DST: variants seen among roughly 807,000 people sequenced by gnomAD.
DST encodes the protein bullous pemphigoid antigen.
In DST, 253 loss-of-function variants were observed where a neutral mutation model predicts 875.2. The ratio of observed to expected loss-of-function variants is 0.29; its 90% CI spans 0.26 to 0.32. DST has a LOEUF of 0.32. Among genes scored for constraint, DST ranks in the 10% least tolerant of loss-of-function variants. The pLI, the probability that DST is intolerant of heterozygous loss-of-function variation, is 1.00. For missense variants in DST, 8,287 were observed against 9,111.6 expected (o/e 0.91, Z 3.68); for synonymous variants, 3,124 against 3,197.1 (o/e 0.98, Z 0.77).
chr6:56,514,145 T>C (rs1367606388), intron 72 of DST, among the ~76,000 whole-genome samples: 2 of 152,216 alleles, frequency 1.3e-5, no homozygotes, highest in African/African-American at 4.8e-5. Flanking sequence ...AAATTTCAGC[T>C]CAATAATGAG....
intron 68 of DST, 47 bp downstream of exon 68, chr6:56,527,446 G>C: frequency 6.3e-7 from 1 of 1,589,202 alleles, no homozygotes; most frequent in Non-Finnish European, 8.6e-7. Context: ...GAATAAGACT[G>C]CCTAAAAGAT....
chr6:56,495,263 T>G (rs771479282), intron 82 of DST, among the ~76,000 whole-genome samples: 1 of 152,088 alleles, frequency 6.6e-6, no homozygotes, highest in African/African-American at 2.4e-5. Flanking sequence ...TCAAAAGAAC[T>G]TTATTGAAAT....
At chr6:56,803,484 C>A (rs1483995177) in intron 4 of DST, among the ~76,000 whole-genome samples, 1 of 152,142 alleles carries the variant, frequency 6.6e-6, no homozygotes, top group Non-Finnish European at 1.5e-5. Context: ...CATGTGAGTA[C>A]AAGCATCTTC....
intron 10 of DST, 39 bp from the exon 11 acceptor site, chr6:56,651,283 G>A (rs2098974337): frequency 3.9e-6 from 5 of 1,279,102 alleles, no homozygotes; most frequent in Non-Finnish European, 5.5e-6. Context: ...GTTTTCTCAT[G>A]TGCCAATTCA....
chr6:56,845,858 GATT>G (rs2099806682), intron 4 of DST, among the ~76,000 whole-genome samples: 1 of 152,222 alleles, frequency 6.6e-6, no homozygotes, highest in Admixed American at 6.5e-5. Flanking sequence ...CAACATTTGG[GATT>G]GTTTTTAAAA....
chr6:56,927,696 T>A (rs747541341), intron 2 of DST, among the ~76,000 whole-genome samples: 2 of 151,858 alleles, frequency 1.3e-5, no homozygotes, highest in Non-Finnish European at 2.9e-5. Context: ...TAGAAAAAAA[T>A]GAGCAACTGA....
At chr6:56,642,755 C>G (rs1485511700) in intron 15 of DST, 1 of 1,613,984 alleles carries the variant, frequency 6.2e-7, no homozygotes, top group East Asian at 2.2e-5. Context: ...AACACAGAAT[C>G]ACTGCTACGG....
At position 56,642,028 on chromosome 6, in the gene DST, T is replaced by C; in HGVS notation, c.1946A>G (p.Glu649Gly). Residue 649 changes from glutamate (E) to glycine (G), a missense_variant, in exon 17 of 104, where the codon GAG (glutamate) becomes GGG (glycine). Coordinates refer to ENST00000680361, the MANE Select transcript of DST (RefSeq NM_001374736.1). ...AATTACATGCTGGCGTAAAAGGTTC[T>C]CACATTCAAGTATATACCCAGCAAT... ...AEIAGYILEC[E>G]NLLRQHVIDV... 1.9e-6 allele frequency: 3 copies of C among 1,613,048 alleles called. No homozygotes were observed. The highest frequency in any genetic ancestry group is 2.5e-6 in the Non-Finnish European group (3 of 1,179,180).
Position 56,631,971 on chromosome 6 carries a change from T to C in DST, c.3875A>G (p.Asn1292Ser), listed in dbSNP as rs1275168494. 3.2e-5 allele frequency: 51 copies of C among 1,613,552 alleles called. No homozygotes were observed. Among genetic ancestry groups the C allele is most frequent in the Non-Finnish European group, 4.2e-5 (49 of 1,179,572 alleles). ...EVRNIRLRLE[N>S]CEDRLIRQIR... The stretch of plus-strand genomic sequence containing the variant: ...CTGTCTAATCAGCCGATCTTCACAG[T>C]TCTCTAACCGAAGTCTAATGTTTCG... The change falls in exon 29 of 104, where the codon AAC becomes AGC. Residue 1292 changes from asparagine to serine, a missense_variant. Around this residue, in one of 10 missense-constraint regions of DST, gnomAD observed 3,138 missense variants for 3,116.6 expected, o/e 1.01. Coordinates refer to ENST00000680361, the MANE Select transcript of DST (RefSeq NM_001374736.1).
chr6:56,529,969 C>G lies in DST; in HGVS notation c.17268+5G>C. 6.2e-7 allele frequency: 1 copy of G among 1,612,628 alleles called. No homozygotes were observed. Among genetic ancestry groups the G allele is most frequent in the Non-Finnish European group, 8.5e-7 (1 of 1,179,410 alleles). On this transcript the variant is annotated splice_donor_5th_base_variant and intron_variant, in intron 65 of 103. Transcript: ENST00000680361. Reference sequence around the variant, plus strand: ...AACCTCGCTAATGTGTGATTTATATCTTACTTTGTGCTGTGCAATTTGTTC... The same window carrying G: ...AACCTCGCTAATGTGTGATTTATATGTTACTTTGTGCTGTGCAATTTGTTC...
intron 4 of DST, among the ~76,000 whole-genome samples, chr6:56,763,070 G>T (rs929580749): frequency 6.6e-6 from 1 of 151,776 alleles, no homozygotes; most frequent in East Asian, 1.9e-4. Context: ...GGCTGGTCTC[G>T]AACTCCTGAC....
rs367639314 is a variant in DST, at chr6:56,635,705, C to T, written c.3070G>A (p.Asp1024Asn). Residue 1024 changes from aspartate to asparagine, a missense_variant, in exon 24 of 104, where the codon GAT becomes AAT. Asp to Asn is a conservative substitution (Grantham distance 23). Coordinates refer to ENST00000680361, the MANE Select transcript of DST (RefSeq NM_001374736.1). ...AAGTAATCAGTAGCTTCTTTGGCAT[C>T]ATTGAAAAACTAAGGAAAGATGAAA... The part of the protein sequence containing the change: ...ENTAYFEFFN[D>N]AKEATDYLRN... 6 of 1,613,560 alleles carry T rather than the reference C, an allele frequency of 3.7e-6. No individual in the cohort carries two copies. The African/African-American group carries it at 5.3e-5, about 14-fold the overall frequency.
chr6:56,695,753 G>A (rs2099260036), intron 9 of DST, among the ~76,000 whole-genome samples: 1 of 152,288 alleles, frequency 6.6e-6, no homozygotes, highest in African/African-American at 2.4e-5. Flanking sequence ...TAATGATAAT[G>A]CTTACCTTCA....
chr6:56,753,889 T>C (rs560896233), intron 4 of DST, among the ~76,000 whole-genome samples: 4 of 152,356 alleles, frequency 2.6e-5, no homozygotes, highest in Non-Finnish European at 4.4e-5. Context: ...TTCATAGTTA[T>C]GTCTACCCTT....
chr6:56,476,627 A>G (rs1010653903), intron 91 of DST, among the ~76,000 whole-genome samples: 1 of 152,214 alleles, frequency 6.6e-6, no homozygotes, highest in African/African-American at 2.4e-5. Context: ...GGATCAGGTA[A>G]GCTTACTCCA....
rs750912917 is a variant in DST, at chr6:56,506,503, G to A, written c.19404C>T (p.Asp6468=). The A allele has an allele frequency of 1.2e-6, 2 of 1,613,020 alleles. No homozygotes were observed. The highest frequency in any genetic ancestry group is 1.3e-5 in the African/African-American group (1 of 74,848). Residue 6468 remains aspartate (D), a synonymous_variant, in exon 77 of 104, where the codon GAC becomes GAT. Coordinates refer to ENST00000680361, the MANE Select transcript of DST (RefSeq NM_001374736.1). ...TTGCCTCCTCAAGTTTGTCAATCCG[G>A]TCTTTCCAAGCTTTATTTAGAGAAT... ...AWDSLNKAWK[D]RIDKLEEAMQ...
chr6:56,852,100 T>C, intron 3 of DST: 1 of 1,360,234 alleles, frequency 7.4e-7, no homozygotes, highest in Non-Finnish European at 9.5e-7. Context: ...TCAAGTCACC[T>C]CACCACTGGA....
chr6:56,579,672 A>G (rs1002405581), intron 49 of DST, among the ~76,000 whole-genome samples: 2 of 152,152 alleles, frequency 1.3e-5, no homozygotes, highest in Non-Finnish European at 2.9e-5. Context: ...CAAACAGAAG[A>G]CACAAAGATG....
intron 14 of DST, 24 bp from the exon 15 acceptor site, chr6:56,646,017 T>A (rs771778611): frequency 6.2e-7 from 1 of 1,603,956 alleles, no homozygotes. Context: ...AAAACTTTAA[T>A]GTGAAGCAAA....
Sources: gnomAD v4.1 joint callset for allele counts (sites outside exome capture counted in the v4.1 genomes callset) on GRCh38, gnomAD v4.1.1 for gene constraint, gnomAD v4.1.1 regional missense constraint, MANE v1.5 for transcripts, NCBI Gene and HGNC (gene_info 2026-07-23, HGNC 2026-07-21) for gene names.